The following MAGEA11 variants were observed in gnomAD, a reference collection of about 807,000 sequenced individuals.
MAGEA11 encodes MAGE family member A11, also known as melanoma-associated antigen 11.
Under a neutral mutation model 8.4 loss-of-function variants are expected in MAGEA11, and 1 was observed. The ratio of observed to expected loss-of-function variants is 0.12; its 90% confidence interval spans 0.04 to 0.57. The LOEUF is 0.57. Among genes scored for constraint, MAGEA11 ranks in the 20% least tolerant of loss-of-function variants. The pLI is 0.91. For missense variants in MAGEA11, 209 were observed against 317.3 expected (o/e 0.66, Z 2.59); for synonymous variants, 127 against 119.3 (o/e 1.06, Z -0.42).
chrX:149,689,061 A>G (rs2090299792), intron 1 of MAGEA11: 1 of 866,824 alleles, frequency 1.2e-6, no homozygotes, highest in Non-Finnish European at 1.6e-6. Flanking sequence ...GTAACTATAG[A>G]TAAAGGGCTA....
chrX:149,688,222 T>G (rs2090294547), upstream of MAGEA11: 1 of 112,374 alleles, frequency 8.9e-6, no homozygotes, highest in Non-Finnish European at 1.9e-5. Flanking sequence ...TGAGCAGCAT[T>G]GTGTCCTCCA....
intron 3 of MAGEA11, among the ~76,000 whole-genome samples, chrX:149,715,290 A>T (rs1557362335): frequency 8.9e-6 from 1 of 111,878 alleles, no homozygotes; most frequent in Non-Finnish European, 1.9e-5. Flanking sequence ...CACCTTTCTG[A>T]CAGTGCTGGG....
upstream of MAGEA11, among the ~76,000 whole-genome samples, chrX:149,711,086 A>G (rs893711612): frequency 2.7e-5 from 3 of 111,783 alleles, no homozygotes; most frequent in Admixed American, 9.5e-5. Flanking sequence ...ACATGAGGAA[A>G]CACTGGTTGA....
chrX:149,706,431 C>T (rs929507912), intron 1 of MAGEA11, among the ~76,000 whole-genome samples: 1 of 111,520 alleles, frequency 9.0e-6, no homozygotes, highest in Non-Finnish European at 1.9e-5. Flanking sequence ...GGCGCCTTAA[C>T]GAGGTGATTA....
In MAGEA11 at chrX:149,704,329, T is replaced by G. The variant is rs782052058; in HGVS notation, c.10-10152T>G. 3.2e-4 allele frequency among the ~76,000 whole-genome samples: 36 copies of G among 112,511 alleles called. No homozygotes were observed. The South Asian group carries it at 3.7e-3, about 12-fold the overall frequency. On this transcript the variant is annotated intron_variant, in intron 1 of 3. Transcript: ENST00000333104. ...CCCCTGCAATGAGCTTGTGCTCCAT[T>G]AACAGAACACTGGGGATCCAGAGGG...
Position 149,716,812 on chromosome X carries a change from TG to T in MAGEA11, c.*39del. 8.8e-7 allele frequency: 1 copy of T among 1,137,931 alleles called. No homozygotes were observed. The allele number at this position is 1,137,931 out of a possible 1,213,427, so 93.8% of individuals were successfully genotyped here. ...CAACCAGGGCCAGCGGGCAGGGAAA[TG>T]GGCCAATGCATGCTTCAGGGCCACA... On this transcript the variant is annotated 3_prime_UTR_variant, in exon 5 of 5. Transcript: ENST00000355220.
chrX:149,697,034 G>T (rs1170974399), intron 1 of MAGEA11, among the ~76,000 whole-genome samples: 1 of 111,334 alleles, frequency 9.0e-6, no homozygotes, highest in Non-Finnish European at 1.9e-5. Flanking sequence ...ATCTTAAGGA[G>T]TGTGGACCAA....
rs111221921 is a variant in MAGEA11 at position 149,692,867 on chromosome X, G to A, written c.9+3883G>A. 1.8e-3 allele frequency among the ~76,000 whole-genome samples: 196 copies of A among 111,689 alleles called. 1 individual carries two copies. Among genetic ancestry groups the A allele is most frequent in the African/African-American group, 6.0e-3 (184 of 30,697 alleles). On this transcript the variant is annotated intron_variant, in intron 1 of 3. Transcript: ENST00000333104. ...TCATGAGATCTGATGGTTCTATGAA[G>A]GGGAGTTTCCCTGCACAAGCTCTCT...
intron 1 of MAGEA11, among the ~76,000 whole-genome samples, chrX:149,703,679 T>A (rs2090363467): frequency 8.9e-6 from 1 of 112,258 alleles, no homozygotes. Context: ...CAATCCAAGG[T>A]AACAGATTTT....
At chrX:149,714,800 C>A (rs1557362287) in intron 3 of MAGEA11, among the ~76,000 whole-genome samples, 1 of 112,167 alleles carries the variant, frequency 8.9e-6, no homozygotes, top group South Asian at 3.7e-4. Context: ...TGACCAGAAT[C>A]AAGGTGGGGG....
chrX:149,698,753 T>G (rs1469555984), intron 1 of MAGEA11, among the ~76,000 whole-genome samples: 1 of 111,498 alleles, frequency 9.0e-6, no homozygotes, highest in Non-Finnish European at 1.9e-5. Flanking sequence ...TTAGCTATTT[T>G]TCCTGTTGCT....
intron 1 of MAGEA11, among the ~76,000 whole-genome samples, chrX:149,697,893 A>C (rs782000211): frequency 8.9e-6 from 1 of 111,819 alleles, no homozygotes; most frequent in Non-Finnish European, 1.9e-5. Flanking sequence ...TTGTTTTATA[A>C]GGGGCTCTTC....
intron 1 of MAGEA11, among the ~76,000 whole-genome samples, chrX:149,701,713 G>T (rs1297580583): frequency 9.0e-6 from 1 of 110,704 alleles, no homozygotes; most frequent in African/African-American, 3.3e-5. Flanking sequence ...TAACGTTTAA[G>T]TCTTTAATCC....
intron 1 of MAGEA11, among the ~76,000 whole-genome samples, chrX:149,690,935 T>C (rs1557360096): frequency 8.9e-6 from 1 of 112,281 alleles, no homozygotes; most frequent in Non-Finnish European, 1.9e-5. Context: ...GTCTTTAGTA[T>C]TTGTTTCCTT....
rs1473769253 is a variant in MAGEA11, at chrX:149,715,862, C to T, written c.376C>T (p.Leu126Phe). The T allele has an allele frequency of 1.7e-6, 2 of 1,211,491 alleles. No individual in the cohort carries two copies. Among genetic ancestry groups the T allele is most frequent in the Non-Finnish European group, 2.2e-6 (2 of 895,421 alleles). The change falls in exon 5 of 5, where the codon CTT (leucine) becomes TTT (phenylalanine). Residue 126 changes from leucine (L) to phenylalanine (F), a missense_variant. Physicochemically the swap from Leu to Phe is conservative, Grantham distance 22 (BLOSUM62 0). Coordinates refer to ENST00000355220, the MANE Select transcript of MAGEA11 (RefSeq NM_005366.5). The stretch of plus-strand genomic sequence containing the variant: ...TCAGCACTGCAAGCCTGAGGAAGGC[C>T]TTCAGGCCCAAGAAGAAGACCTGGG... ...RSQHCKPEEG[L>F]QAQEEDLGLV...
intron 1 of MAGEA11, among the ~76,000 whole-genome samples, chrX:149,696,627 A>G (rs1178525243): frequency 9.0e-6 from 1 of 110,779 alleles, no homozygotes; most frequent in Non-Finnish European, 1.9e-5. Context: ...TTCCAGACTC[A>G]GGATCCAAGC....
At chrX:149,695,303 C>T (rs782437251) in intron 1 of MAGEA11, among the ~76,000 whole-genome samples, 1 of 111,157 alleles carries the variant, frequency 9.0e-6, no homozygotes, top group South Asian at 3.8e-4. Context: ...AAATGTCTTC[C>T]TTGAGCTCAT....
At chrX:149,715,725 T>A (rs1557362386) in intron 4 of MAGEA11, 28 bp from the exon 5 acceptor site, 1 of 1,200,209 alleles carries the variant, frequency 8.3e-7, no homozygotes, top group South Asian at 1.8e-5. Flanking sequence ...CTCATCTGAG[T>A]CTGTTCTCAC....
Position 149,716,993 on chromosome X carries a change from G to T in MAGEA11, c.*217G>T. 1 of 341,747 alleles carries T rather than the reference G, an allele frequency of 2.9e-6. No homozygotes were observed. Among genetic ancestry groups the T allele is most frequent in the Non-Finnish European group, 5.1e-6 (1 of 197,698 alleles). The allele number at this position is 341,747 out of a possible 1,213,427, so 28.2% of individuals were successfully genotyped here. On this transcript the variant is annotated 3_prime_UTR_variant, in exon 5 of 5. Transcript: ENST00000355220. The stretch of plus-strand genomic sequence containing the variant: ...TTTCTCTTCCATCGGGTGACTTGGA[G>T]ATTTCTTTTTGTTTCCCTTTGGTAA...
Sources: gnomAD v4.1 joint callset for allele counts (sites outside exome capture counted in the v4.1 genomes callset) on GRCh38, gnomAD v4.1.1 for gene constraint, MANE v1.5 for transcripts, NCBI Gene and HGNC (gene_info 2026-07-23, HGNC 2026-07-21) for gene names.